GMDS: variants seen among roughly 807,000 people sequenced by gnomAD.
GMDS encodes the protein GDP-mannose 4,6 dehydratase.
Under a neutral mutation model 49.9 loss-of-function variants are expected in GMDS, and 20 were observed. That is an observed-to-expected ratio of 0.40 (90% CI 0.28 to 0.58). The LOEUF (loss-of-function observed/expected upper bound fraction) is 0.58, where lower values mean the gene tolerates loss of function less well. GMDS is among the 20% of genes least tolerant of loss of function. The pLI is 0.42. For missense variants in GMDS, 362 were observed against 481.4 expected (o/e 0.75, Z 2.32); for synonymous variants, 177 against 178.6 (o/e 0.99, Z 0.07).
intron 4 of GMDS, among the ~76,000 whole-genome samples, chr6:2,023,552 C>T (rs769303946): frequency 7.9e-5 from 12 of 152,240 alleles, no homozygotes; most frequent in Non-Finnish European, 1.5e-4. Flanking sequence ...AGCATGTGCA[C>T]GCCAAGAACT....
intron 1 of GMDS, among the ~76,000 whole-genome samples, chr6:2,163,601 A>G (rs930325306): frequency 6.6e-6 from 1 of 152,216 alleles, no homozygotes; most frequent in Admixed American, 6.5e-5. Flanking sequence ...TAACATTTTA[A>G]TTTGAGTCCA....
At chr6:2,182,019 T>C (rs1022664893) in intron 1 of GMDS, among the ~76,000 whole-genome samples, 1 of 152,246 alleles carries the variant, frequency 6.6e-6, no homozygotes, top group Non-Finnish European at 1.5e-5. Context: ...GAAAAGTTCT[T>C]GGAGAAAATT....
chr6:2,239,356 G>C (rs1781508798), intron 1 of GMDS, among the ~76,000 whole-genome samples: 1 of 151,502 alleles, frequency 6.6e-6, no homozygotes, highest in African/African-American at 2.4e-5. Context: ...AATCCAATTG[G>C]CTTTATGTCT....
chr6:1,955,459 T>C (rs577385698), intron 6 of GMDS, among the ~76,000 whole-genome samples: 5 of 152,362 alleles, frequency 3.3e-5, no homozygotes, highest in South Asian at 4.1e-4. Context: ...TCATGACTTA[T>C]AGACATTTAA....
At chr6:2,074,106 G>A (rs906605363) in intron 4 of GMDS, among the ~76,000 whole-genome samples, 4 of 152,158 alleles carry the variant, frequency 2.6e-5, no homozygotes, top group Admixed American at 6.5e-5. Flanking sequence ...TTTTCCATAA[G>A]TGGTTGTATT....
At chr6:1,964,081 A>ATACG (rs1764122726) in intron 4 of GMDS, among the ~76,000 whole-genome samples, 1 of 152,234 alleles carries the variant, frequency 6.6e-6, no homozygotes, top group Non-Finnish European at 1.5e-5. Context: ...GGAGAAACAC[A>ATACG]TACGCACACA....
chr6:2,115,715 T>A, intron 4 of GMDS, 56 bp downstream of exon 4: 1 of 898,176 alleles, frequency 1.1e-6, no homozygotes, highest in South Asian at 1.3e-5. Flanking sequence ...CAGACACAAG[T>A]AAAATACAGA....
chr6:1,828,557 C>T (rs541803458), intron 7 of GMDS, among the ~76,000 whole-genome samples: 2 of 152,166 alleles, frequency 1.3e-5, no homozygotes, highest in African/African-American at 2.4e-5. Context: ...AACAATTCAT[C>T]ACATATAAGG....
chr6:1,810,670 G>A (rs973262026), intron 7 of GMDS, among the ~76,000 whole-genome samples: 26 of 152,228 alleles, frequency 1.7e-4, no homozygotes, highest in Admixed American at 1.5e-3. Flanking sequence ...AGGGAGGAGG[G>A]GAAGAGGGAA....
chr6:1,743,052 A>C (rs940815463), intron 7 of GMDS, among the ~76,000 whole-genome samples: 1 of 152,256 alleles, frequency 6.6e-6, no homozygotes, highest in African/African-American at 2.4e-5. Flanking sequence ...TTTGTCCTCA[A>C]AAGTAGAACT....
chr6:1,641,017 G>A (rs1213844767), intron 9 of GMDS, among the ~76,000 whole-genome samples: 4 of 152,214 alleles, frequency 2.6e-5, no homozygotes. Flanking sequence ...TGGCTCCACA[G>A]CTGTGAGAAT....
chr6:1,924,821 T>C (rs937932242), intron 7 of GMDS, among the ~76,000 whole-genome samples: 1 of 152,124 alleles, frequency 6.6e-6, no homozygotes, highest in Non-Finnish European at 1.5e-5. Flanking sequence ...CTTGAGCCTA[T>C]ATGGAGAGAG....
chr6:1,670,074 C>T (rs897100215), intron 9 of GMDS, among the ~76,000 whole-genome samples: 10 of 151,994 alleles, frequency 6.6e-5, no homozygotes, highest in Non-Finnish European at 1.0e-4. Flanking sequence ...GGAGATCTTG[C>T]ACACTGTTTT....
At chr6:1,818,608 CAA>C (rs564065617) in intron 7 of GMDS, among the ~76,000 whole-genome samples, 30 of 49,260 alleles carry the variant, frequency 6.1e-4, no homozygotes, top group Non-Finnish European at 8.2e-4. Context: ...GACTTCATCT[CAA>C]AAAAAAAAAA....
chr6:2,025,184 C>A (rs1768508922), intron 4 of GMDS, among the ~76,000 whole-genome samples: 1 of 151,898 alleles, frequency 6.6e-6, no homozygotes, highest in African/African-American at 2.4e-5. Flanking sequence ...CAGAAGAAAA[C>A]AACTCAAAGA....
intron 1 of GMDS, among the ~76,000 whole-genome samples, chr6:2,240,137 A>G (rs1169669783): frequency 1.3e-5 from 2 of 152,250 alleles, no homozygotes; most frequent in African/African-American, 4.8e-5. Flanking sequence ...TGAAAGACTC[A>G]CTGGACATTA....
chr6:1,629,447 G>A (rs548198713), intron 9 of GMDS, among the ~76,000 whole-genome samples: 89 of 152,166 alleles, frequency 5.8e-4, no homozygotes, highest in African/African-American at 1.7e-3. Flanking sequence ...GGGACTGTCC[G>A]TAGGCAGAGC....
chr6:1,717,156 C>T (rs1025238357), intron 9 of GMDS, among the ~76,000 whole-genome samples: 4 of 152,216 alleles, frequency 2.6e-5, no homozygotes, highest in African/African-American at 4.8e-5. Flanking sequence ...CTTGATTTAG[C>T]TCAGTGGGAC....
chr6:1,678,387 T>C (rs1030017164), intron 9 of GMDS, among the ~76,000 whole-genome samples: 7 of 152,200 alleles, frequency 4.6e-5, no homozygotes, highest in Non-Finnish European at 8.8e-5. Flanking sequence ...TGGCAAGCTC[T>C]GATTCTTTGT....
Sources: gnomAD v4.1 joint callset for allele counts (sites outside exome capture counted in the v4.1 genomes callset) on GRCh38, gnomAD v4.1.1 for gene constraint, MANE v1.5 for transcripts, NCBI Gene and HGNC (gene_info 2026-07-23, HGNC 2026-07-21) for gene names.